The following KANK1 variants were observed in gnomAD, a reference collection of about 807,000 sequenced individuals.
The protein encoded by KANK1 is KN motif and ankyrin repeat domains 1.
KANK1 carries 109 observed loss-of-function variants against 106.2 expected under a neutral mutation model. That is an observed-to-expected ratio of 1.03 (90% CI 0.88 to 1.20). KANK1 has a LOEUF of 1.20. Among genes scored for constraint, KANK1 ranks in the 50% most tolerant of loss-of-function variants. KANK1 has a pLI of 0.00. For synonymous variants in KANK1, 873 were observed against 652.2 expected (o/e 1.34, Z -5.16); for missense variants, 2,399 against 1,710.7 (o/e 1.40, Z -7.10).
intron 1 of KANK1, among the ~76,000 whole-genome samples, chr9:607,038 T>G (rs1427127078): frequency 6.6e-6 from 1 of 151,788 alleles, no homozygotes; most frequent in African/African-American, 2.4e-5. Context: ...TGAATTCTAA[T>G]TTTATGTTTT....
At chr9:598,909 G>A (rs1189434865) in intron 1 of KANK1, among the ~76,000 whole-genome samples, 2 of 149,336 alleles carry the variant, frequency 1.3e-5, no homozygotes, top group South Asian at 2.1e-4. Flanking sequence ...TAGAATTACG[G>A]GCATGAGCCA....
At chr9:556,858 C>G (rs897136071) in intron 1 of KANK1, among the ~76,000 whole-genome samples, 1 of 152,140 alleles carries the variant, frequency 6.6e-6, no homozygotes, top group African/African-American at 2.4e-5. Context: ...TCCTCCCTGC[C>G]TTAGTCCCAG....
chr9:647,518 A>G (rs938529309), intron 1 of KANK1, among the ~76,000 whole-genome samples: 2 of 150,954 alleles, frequency 1.3e-5, no homozygotes, highest in African/African-American at 5.0e-5. Context: ...GCAGTTTTCT[A>G]GTATAGTCTT....
chr9:706,679 T>A, intron 2 of KANK1: 1 of 625,620 alleles, frequency 1.6e-6, no homozygotes, highest in African/African-American at 2.0e-5. Flanking sequence ...AAAGGCTCAG[T>A]TGAAATTAAT....
intron 1 of KANK1, among the ~76,000 whole-genome samples, chr9:537,816 G>C (rs915018618): frequency 2.0e-5 from 3 of 152,224 alleles, no homozygotes; most frequent in African/African-American, 7.2e-5. Flanking sequence ...ACAACAAAGA[G>C]TTATAGAATG....
At chr9:719,000 C>T (rs998786022) in intron 3 of KANK1, among the ~76,000 whole-genome samples, 1 of 135,662 alleles carries the variant, frequency 7.4e-6, no homozygotes, top group African/African-American at 2.8e-5. Context: ...CACTCTGTCA[C>T]CCAGGCTGGA....
chr9:524,231 G>A (rs576519529), intron 1 of KANK1, among the ~76,000 whole-genome samples: 2 of 151,866 alleles, frequency 1.3e-5, no homozygotes, highest in Admixed American at 1.3e-4. Flanking sequence ...TGCTGGTGAA[G>A]TAATACAACC....
intron 6 of KANK1, chr9:733,191 C>G (rs1832788942): frequency 6.6e-6 from 1 of 152,162 alleles, no homozygotes; most frequent in African/African-American, 2.4e-5. Flanking sequence ...ATATGTGCCT[C>G]AGAATGTAAG....
chr9:652,592 T>C (rs1841156204), intron 1 of KANK1, among the ~76,000 whole-genome samples: 1 of 152,086 alleles, frequency 6.6e-6, no homozygotes, highest in South Asian at 2.1e-4. Flanking sequence ...GAAGGTCAAA[T>C]GAGACAAAGA....
chr9:484,840 G>C (rs1255234669), intron 3 of KANK1, among the ~76,000 whole-genome samples: 2 of 151,894 alleles, frequency 1.3e-5, no homozygotes, highest in African/African-American at 4.8e-5. Flanking sequence ...TCTGGGGATA[G>C]TTACTCTCAG....
chr9:628,327 T>C (rs1468599076), intron 1 of KANK1, among the ~76,000 whole-genome samples: 1 of 152,234 alleles, frequency 6.6e-6, no homozygotes, highest in Non-Finnish European at 1.5e-5. Flanking sequence ...TTTGAGACTT[T>C]GGTTTCTGTC....
At chr9:740,556 C>T (rs187372347) in intron 8 of KANK1, among the ~76,000 whole-genome samples, 6 of 152,326 alleles carry the variant, frequency 3.9e-5, no homozygotes, top group Admixed American at 3.3e-4. Flanking sequence ...ACAAGATACG[C>T]TGTGGAAGCT....
intron 1 of KANK1, among the ~76,000 whole-genome samples, chr9:556,555 T>C (rs986033575): frequency 6.6e-6 from 1 of 152,188 alleles, no homozygotes; most frequent in Non-Finnish European, 1.5e-5. Flanking sequence ...GACTATGCGG[T>C]TTTGCTTTTT....
chr9:638,300 C>T (rs187449909), intron 1 of KANK1, among the ~76,000 whole-genome samples: 1 of 152,160 alleles, frequency 6.6e-6, no homozygotes, highest in Non-Finnish European at 1.5e-5. Context: ...GTGGTAAACG[C>T]CTTCTTGCTG....
intron 2 of KANK1, among the ~76,000 whole-genome samples, chr9:704,579 C>T (rs975504614): frequency 6.6e-6 from 1 of 152,162 alleles, no homozygotes; most frequent in Admixed American, 6.5e-5. Context: ...ATCAAGCTGT[C>T]TTTGCCATGG....
At chr9:512,808 C>A (rs769253510) in intron 1 of KANK1, among the ~76,000 whole-genome samples, 1 of 152,134 alleles carries the variant, frequency 6.6e-6, no homozygotes, top group Non-Finnish European at 1.5e-5. Context: ...TAACTTCCTG[C>A]TAAGGAAGAA....
chr9:729,871 G>A (rs2059061841), intron 3 of KANK1, among the ~76,000 whole-genome samples, 180 bp from the exon 4 acceptor site: 1 of 152,146 alleles, frequency 6.6e-6, no homozygotes. Flanking sequence ...GAATGACGAG[G>A]CCCGGCAGTC....
intron 2 of KANK1, among the ~76,000 whole-genome samples, chr9:704,437 G>C (rs1204432566): frequency 6.6e-6 from 1 of 152,154 alleles, no homozygotes; most frequent in Non-Finnish European, 1.5e-5. Flanking sequence ...GCACAAAGAA[G>C]AACATAGGTG....
At chr9:573,967 G>C (rs1220667983) in intron 1 of KANK1, among the ~76,000 whole-genome samples, 1 of 152,256 alleles carries the variant, frequency 6.6e-6, no homozygotes. Context: ...AGAGTTGCTT[G>C]GAGGAGCCAA....
Sources: allele counts gnomAD v4.1 joint callset (sites outside exome capture counted in the v4.1 genomes callset), GRCh38; gene constraint gnomAD v4.1.1; transcripts MANE v1.5; gene names NCBI Gene and HGNC (gene_info 2026-07-23, HGNC 2026-07-21).